Variants in PTPRD observed in about 807,000 individuals in gnomAD.
The protein encoded by PTPRD is protein tyrosine phosphatase receptor type D.
PTPRD carries 34 observed loss-of-function variants against 214.5 expected under a neutral mutation model. The ratio of observed to expected loss-of-function variants is 0.16; its 90% CI spans 0.12 to 0.21. PTPRD has a LOEUF of 0.21. Ranked by LOEUF, PTPRD falls within the 10% of genes least tolerant of loss-of-function variation. The probability of loss-of-function intolerance (pLI) is 1.00; values close to 1 mark genes in which losing one functional copy is unlikely to be tolerated. For synonymous variants in PTPRD, 1,128 were observed against 845.7 expected, an observed-to-expected ratio of 1.33 and a Z score of -5.79; for missense variants, 2,545 against 2,398.7, an observed-to-expected ratio of 1.06 and a Z score of -1.27.
At chr9:10,086,263 A>C (rs1421278623) in intron 3 of PTPRD, among the ~76,000 whole-genome samples, 2 of 151,782 alleles carry the variant, frequency 1.3e-5, no homozygotes, top group Non-Finnish European at 2.9e-5. Flanking sequence ...TCCTCCATAA[A>C]AAATAGTATA....
intron 30 of PTPRD, among the ~76,000 whole-genome samples, chr9:8,478,717 A>G (rs915478063): frequency 1.3e-5 from 2 of 152,224 alleles, no homozygotes; most frequent in Non-Finnish European, 2.9e-5. Context: ...AGTATCCTTA[A>G]GGCTGTTACA....
intron 31 of PTPRD, among the ~76,000 whole-genome samples, chr9:8,466,353 A>G (rs189928418): frequency 1.5e-3 from 226 of 152,048 alleles, no homozygotes; most frequent in South Asian, 0.011. Context: ...GTGTGTATAT[A>G]TTGCCAGATA....
At chr9:10,093,633 A>T (rs187730903) in intron 3 of PTPRD, among the ~76,000 whole-genome samples, 1 of 151,586 alleles carries the variant, frequency 6.6e-6, no homozygotes, top group African/African-American at 2.4e-5. Context: ...TCAAAAAGAC[A>T]TATGTATTCA....
At chr9:8,485,169 G>T in intron 29 of PTPRD, 58 bp downstream of exon 29, 1 of 1,460,602 alleles carries the variant, frequency 6.8e-7, no homozygotes, top group Non-Finnish European at 9.5e-7. Context: ...AACTTACCCA[G>T]ATAAACTGTC....
At chr9:8,857,250 C>T (rs1284131083) in intron 11 of PTPRD, among the ~76,000 whole-genome samples, 1 of 152,162 alleles carries the variant, frequency 6.6e-6, no homozygotes, top group Non-Finnish European at 1.5e-5. Flanking sequence ...TAATCCCTGC[C>T]TTTAAAAAAG....
chr9:10,144,277 A>G (rs2099007697), intron 3 of PTPRD, among the ~76,000 whole-genome samples: 2 of 152,106 alleles, frequency 1.3e-5, no homozygotes, highest in Non-Finnish European at 2.9e-5. Flanking sequence ...TTCTCTCCAA[A>G]AAGTAACATC....
intron 44 of PTPRD, among the ~76,000 whole-genome samples, chr9:8,321,544 C>T (rs1828184381): frequency 8.1e-6 from 1 of 123,232 alleles, no homozygotes; most frequent in South Asian, 2.7e-4. Context: ...ATATGCATCG[C>T]AATTCCTTTA....
At chr9:10,188,445 T>A (rs1036098093) in intron 3 of PTPRD, among the ~76,000 whole-genome samples, 5 of 152,202 alleles carry the variant, frequency 3.3e-5, no homozygotes. Flanking sequence ...TTCCTAGACT[T>A]AATTTATAAC....
chr9:9,176,963 T>G (rs555869663), intron 10 of PTPRD, among the ~76,000 whole-genome samples: 1 of 152,304 alleles, frequency 6.6e-6, no homozygotes, highest in South Asian at 2.1e-4. Context: ...TGAGTATCTA[T>G]CTATCTATCT....
chr9:9,659,827 A>G (rs547878599), intron 7 of PTPRD, among the ~76,000 whole-genome samples: 8 of 152,186 alleles, frequency 5.3e-5, no homozygotes, highest in African/African-American at 1.9e-4. Context: ...AATAAACTAA[A>G]AGCAGAAGAT....
At chr9:9,997,573 G>A (rs890364778) in intron 4 of PTPRD, among the ~76,000 whole-genome samples, 2 of 152,166 alleles carry the variant, frequency 1.3e-5, no homozygotes, top group Non-Finnish European at 2.9e-5. Flanking sequence ...ACAGGCGTGA[G>A]CCACCGTGCC....
intron 9 of PTPRD, among the ~76,000 whole-genome samples, chr9:9,242,553 T>C (rs1202622751): frequency 6.6e-6 from 1 of 152,144 alleles, no homozygotes; most frequent in Non-Finnish European, 1.5e-5. Context: ...TTTATTCTTT[T>C]TTCTCTAAAC....
chr9:8,659,804 C>A (rs1012120116), intron 12 of PTPRD, among the ~76,000 whole-genome samples: 3 of 152,258 alleles, frequency 2.0e-5, no homozygotes, highest in South Asian at 2.1e-4. Context: ...GATGTCACTA[C>A]AATTAATATC....
At chr9:8,984,865 T>C (rs1328238416) in intron 11 of PTPRD, among the ~76,000 whole-genome samples, 1 of 152,146 alleles carries the variant, frequency 6.6e-6, no homozygotes, top group Non-Finnish European at 1.5e-5. Flanking sequence ...TTAATTCTTT[T>C]AACATGGATT....
At chr9:10,389,970 T>G (rs1019947082) in intron 2 of PTPRD, among the ~76,000 whole-genome samples, 1 of 151,820 alleles carries the variant, frequency 6.6e-6, no homozygotes, top group Non-Finnish European at 1.5e-5. Flanking sequence ...ATCTATAGCT[T>G]TTACAGTCAA....
chr9:9,499,506 T>C (rs2154219850), intron 8 of PTPRD, among the ~76,000 whole-genome samples: 1 of 152,254 alleles, frequency 6.6e-6, no homozygotes, highest in South Asian at 2.1e-4. Flanking sequence ...TATTTTGGTA[T>C]ATATACAAAA....
At chr9:8,539,609 G>C (rs971603002) in intron 14 of PTPRD, among the ~76,000 whole-genome samples, 4 of 151,930 alleles carry the variant, frequency 2.6e-5, no homozygotes, top group African/African-American at 9.7e-5. Context: ...CACCAGTAAA[G>C]GGATAATTCA....
At chr9:10,334,907 G>T (rs2096818974) in intron 3 of PTPRD, among the ~76,000 whole-genome samples, 1 of 151,618 alleles carries the variant, frequency 6.6e-6, no homozygotes. Flanking sequence ...TGATATACAT[G>T]ATACACACTA....
At chr9:10,008,516 A>G (rs2096534089) in intron 4 of PTPRD, among the ~76,000 whole-genome samples, 1 of 152,024 alleles carries the variant, frequency 6.6e-6, no homozygotes, top group African/African-American at 2.4e-5. Flanking sequence ...TATATGTAAC[A>G]TGCATGTTTG....
Sources: allele counts gnomAD v4.1 joint callset (sites outside exome capture counted in the v4.1 genomes callset), GRCh38; gene constraint gnomAD v4.1.1; transcripts MANE v1.5; gene names NCBI Gene and HGNC (gene_info 2026-07-23, HGNC 2026-07-21).